C3orf70: variants seen among roughly 807,000 people sequenced by gnomAD.
C3orf70 encodes chromosome 3 open reading frame 70.
A neutral mutation model predicts 20.7 loss-of-function variants in C3orf70; 15 were observed. The ratio of observed to expected loss-of-function variants is 0.72; its 90% CI spans 0.48 to 1.11. C3orf70 has a LOEUF of 1.11. Ranked by LOEUF, C3orf70 falls within the 50% of genes most tolerant of loss-of-function variation. The probability of loss-of-function intolerance (pLI) is 0.00; values close to 1 mark genes in which losing one functional copy is unlikely to be tolerated. For synonymous variants in C3orf70, 161 were observed against 125.7 expected, an observed-to-expected ratio of 1.28 and a Z score of -1.88; for missense variants, 332 against 317.6, an observed-to-expected ratio of 1.05 and a Z score of -0.34.
At chr3:185,131,659 T>C (rs1289286748) in intron 1 of C3orf70, among the ~76,000 whole-genome samples, 5 of 152,146 alleles carry the variant, frequency 3.3e-5, no homozygotes, top group South Asian at 2.1e-4. Context: ...CCTCACTACA[T>C]TGATGAACTG....
intron 1 of C3orf70, among the ~76,000 whole-genome samples, chr3:185,101,457 A>C (rs1689692629): frequency 6.6e-6 from 1 of 152,198 alleles, no homozygotes; most frequent in South Asian, 2.1e-4. Context: ...GCACGCATTC[A>C]TCCATTCTTG....
At position 185,133,178 on chromosome 3, in the gene C3orf70, T is replaced by C. The variant is rs886810974; in HGVS notation, c.196+19450A>G. Among the ~76,000 whole-genome samples the C allele has an allele frequency of 2.0e-5, 3 of 152,160 alleles. No individual in the cohort carries two copies. In the East Asian group the frequency reaches 5.8e-4, roughly 29 times the overall value. On this transcript the variant is annotated intron_variant, in intron 1 of 1. Transcript: ENST00000335012. ...CTCAAAAGCTTGACAATACACTCTG[T>C]TGGTGAAGCTATGAGAAAACAGGCA...
intron 1 of C3orf70, among the ~76,000 whole-genome samples, chr3:185,132,251 G>C (rs1716536024): frequency 6.6e-6 from 1 of 152,178 alleles, no homozygotes; most frequent in Non-Finnish European, 1.5e-5. Context: ...CAGATCTGCA[G>C]AGATTCAAAT....
At chr3:185,132,922 T>C (rs1381586099) in intron 1 of C3orf70, among the ~76,000 whole-genome samples, 8 of 152,100 alleles carry the variant, frequency 5.3e-5, no homozygotes, top group Non-Finnish European at 1.2e-4. Flanking sequence ...GAGACAGATA[T>C]CTTTCAAAGG....
At chr3:185,085,619 CTA>C (rs902838811) in intron 1 of C3orf70, among the ~76,000 whole-genome samples, 1 of 149,534 alleles carries the variant, frequency 6.7e-6, no homozygotes, top group African/African-American at 2.5e-5. Context: ...CCTGGGGGAA[CTA>C]TGTTTAAAAT....
chr3:185,141,183 C>T (rs1486827509), intron 1 of C3orf70, among the ~76,000 whole-genome samples: 1 of 152,104 alleles, frequency 6.6e-6, no homozygotes, highest in Non-Finnish European at 1.5e-5. Flanking sequence ...GTCTCTGGTA[C>T]TTTGTTATAG....
chr3:185,107,852 T>C (rs914542334), intron 1 of C3orf70, among the ~76,000 whole-genome samples: 5 of 152,190 alleles, frequency 3.3e-5, no homozygotes, highest in Admixed American at 6.5e-5. Flanking sequence ...AGACTCTAGA[T>C]TTGCTAATTT....
chr3:185,103,957 G>T (rs1189397263), intron 1 of C3orf70, among the ~76,000 whole-genome samples: 1 of 152,210 alleles, frequency 6.6e-6, no homozygotes, highest in Non-Finnish European at 1.5e-5. Flanking sequence ...ATACAAACAA[G>T]AGAAAGGGTG....
In C3orf70 at chr3:185,083,429, CAG is replaced by C; in HGVS notation, c.329_330del (p.Ser110CysfsTer9). On this transcript the variant is annotated frameshift_variant, in exon 2 of 2. Transcript: ENST00000335012. LOFTEE classifies it high-confidence loss of function. ...TCAGGGGGAAGGGGAGGCTGGAAGA[CAG>C]ATGCAAATTTCAAAAAGTGTTCGGT... Reference protein sequence around the residue: ...SLTEHFLKFASVFQPPLPPDS... With the variant: ...SLTEHFLKFAXVFQPPLPPDS... The C allele has an allele frequency of 3.1e-6, 5 of 1,614,088 alleles. No homozygotes were observed. Among genetic ancestry groups the C allele is most frequent in the Non-Finnish European group, 4.2e-6 (5 of 1,180,030 alleles).
chr3:185,121,053 A>T (rs1312641136), intron 1 of C3orf70, among the ~76,000 whole-genome samples: 1 of 152,228 alleles, frequency 6.6e-6, no homozygotes, highest in Non-Finnish European at 1.5e-5. Context: ...GTCAGCATAA[A>T]AAGGAATGAA....
intron 1 of C3orf70, among the ~76,000 whole-genome samples, chr3:185,136,438 AT>A (rs1430519128): frequency 2.0e-5 from 3 of 152,148 alleles, no homozygotes; most frequent in Non-Finnish European, 4.4e-5. Context: ...AAACACAAAA[AT>A]TAGGCCAGGC....
At position 185,082,081 on chromosome 3, in the gene C3orf70, A is replaced by G. The variant is rs1715352868; in HGVS notation, c.*926T>C. 6.6e-6 allele frequency: 1 copy of G among 152,132 alleles called. No individual in the cohort carries two copies. The highest frequency in any genetic ancestry group is 2.4e-5 in the African/African-American group (1 of 41,420). The allele number at this position is 152,132 out of a possible 1,614,324, so 9.4% of individuals were successfully genotyped here. ...ATATAACTTCCTAAGAGTTTTTCCCAGACTTGAAGAACAATTAAAAGCAGA... is the reference window on the plus strand; with the variant it reads ...ATATAACTTCCTAAGAGTTTTTCCCGGACTTGAAGAACAATTAAAAGCAGA... On this transcript the variant is annotated 3_prime_UTR_variant, in exon 2 of 2. Transcript: ENST00000335012.
At chr3:185,115,739 G>A (rs1400763369) in intron 1 of C3orf70, among the ~76,000 whole-genome samples, 1 of 152,146 alleles carries the variant, frequency 6.6e-6, no homozygotes, top group African/African-American at 2.4e-5. Context: ...GAGATCTATT[G>A]TTTATAAGAT....
chr3:185,142,238 G>A (rs901730099), intron 1 of C3orf70, among the ~76,000 whole-genome samples: 2 of 152,034 alleles, frequency 1.3e-5, no homozygotes, highest in Non-Finnish European at 2.9e-5. Flanking sequence ...GGCAGGCATC[G>A]CTTGAGCTCA....
chr3:185,102,062 A>AGTCCAG (rs977642777), intron 1 of C3orf70, among the ~76,000 whole-genome samples: 4 of 152,178 alleles, frequency 2.6e-5, no homozygotes, highest in Non-Finnish European at 4.4e-5. Flanking sequence ...TAGAATTGAA[A>AGTCCAG]GTCCAGGCAG....
chr3:185,150,708 TC>T (rs1716975562), intron 1 of C3orf70, among the ~76,000 whole-genome samples: 1 of 152,168 alleles, frequency 6.6e-6, no homozygotes, highest in African/African-American at 2.4e-5. Context: ...TCTAGACTGA[TC>T]AGACCACAAC....
At chr3:185,130,285 C>T (rs1716499485) in intron 1 of C3orf70, among the ~76,000 whole-genome samples, 1 of 152,094 alleles carries the variant, frequency 6.6e-6, no homozygotes, top group Non-Finnish European at 1.5e-5. Context: ...CCTGTCTCTA[C>T]TAAAAATACA....
intron 1 of C3orf70, among the ~76,000 whole-genome samples, chr3:185,108,613 C>T (rs575438357): frequency 4.6e-5 from 7 of 152,334 alleles, no homozygotes; most frequent in Admixed American, 2.0e-4. Context: ...ATATTTAATG[C>T]TAGACACTTT....
chr3:185,095,387 AG>A (rs1715680280), intron 1 of C3orf70, among the ~76,000 whole-genome samples: 1 of 152,252 alleles, frequency 6.6e-6, no homozygotes, highest in Non-Finnish European at 1.5e-5. Flanking sequence ...ACACAGCTGT[AG>A]AGTTCTACAG....
Sources: allele counts gnomAD v4.1 joint callset (sites outside exome capture counted in the v4.1 genomes callset), GRCh38; gene constraint gnomAD v4.1.1; transcripts MANE v1.5; gene names NCBI Gene and HGNC (gene_info 2026-07-23, HGNC 2026-07-21).